Variants in UBE2W observed in about 807,000 individuals in gnomAD.
UBE2W encodes the protein ubiquitin-conjugating enzyme E2 W.
A neutral mutation model predicts 27.2 loss-of-function variants in UBE2W; 18 were observed. The observed-to-expected ratio is 0.66, with a 90% CI of 0.46 to 0.98. UBE2W has a LOEUF of 0.98. Ranked by LOEUF, UBE2W falls within the 50% of genes least tolerant of loss-of-function variation. The pLI is 0.00. For synonymous variants in UBE2W, 53 were observed against 57.2 expected (o/e 0.93, Z 0.33); for missense variants, 90 against 180.2 (o/e 0.50, Z 2.87).
At chr8:73,805,461 A>AAAAAACAAAC (rs1808843880) in intron 5 of UBE2W, among the ~76,000 whole-genome samples, 190 bp downstream of exon 5, 1 of 132,312 alleles carries the variant, frequency 7.6e-6, no homozygotes, top group South Asian at 2.5e-4. Flanking sequence ...TCTCAAAAAA[A>AAAAAACAAAC]AAAAAAAAAA....
intron 1 of UBE2W, among the ~76,000 whole-genome samples, chr8:73,850,101 C>T (rs923333323): frequency 6.6e-6 from 1 of 151,774 alleles, no homozygotes; most frequent in African/African-American, 2.4e-5. Flanking sequence ...AAAGGATAAC[C>T]GAATTGAGAA....
chr8:73,838,138 A>G (rs1228258138), intron 1 of UBE2W, among the ~76,000 whole-genome samples: 1 of 152,184 alleles, frequency 6.6e-6, no homozygotes, highest in Non-Finnish European at 1.5e-5. Flanking sequence ...CTAAATACCA[A>G]TAATGGTATG....
At chr8:73,857,688 C>T (rs909592997) in intron 1 of UBE2W, among the ~76,000 whole-genome samples, 14 of 151,978 alleles carry the variant, frequency 9.2e-5, no homozygotes, top group African/African-American at 3.1e-4. Context: ...TGGTGGCAGA[C>T]GCCTGTAGTC....
chr8:73,858,653 CA>C (rs563979484), intron 1 of UBE2W, among the ~76,000 whole-genome samples: 11 of 121,172 alleles, frequency 9.1e-5, no homozygotes, highest in South Asian at 2.8e-4. Flanking sequence ...AAGCAGACAC[CA>C]AAAAAAAAGT....
At chr8:73,796,522 C>T (rs60745899) in intron 5 of UBE2W, 9,504 of 459,874 alleles carry the variant, frequency 0.021, 812 homozygotes, top group African/African-American at 0.18. Context: ...TTCTGTAGAA[C>T]GTGCTACCAA....
At chr8:73,863,443 A>G (rs1362348786) in intron 1 of UBE2W, among the ~76,000 whole-genome samples, 3 of 136,052 alleles carry the variant, frequency 2.2e-5, no homozygotes, top group Admixed American at 7.6e-5. Flanking sequence ...TGGGGGGAGG[A>G]GGGAGGGATA....
intron 1 of UBE2W, among the ~76,000 whole-genome samples, chr8:73,845,015 G>A (rs1463722476): frequency 5.3e-5 from 8 of 150,860 alleles, no homozygotes; most frequent in Non-Finnish European, 1.2e-4. Flanking sequence ...AGGAGGTGGG[G>A]GGCAGCCCCC....
Position 73,822,602 on chromosome 8 carries a change from C to CAAAAAAAAAAAAAAAAAAA in UBE2W, c.210+2526_210+2544dup, listed in dbSNP as rs67427702. 5.9e-5 allele frequency among the ~76,000 whole-genome samples: 3 copies of CAAAAAAAAAAAAAAAAAAA among 51,224 alleles called. 1 individual carries two copies. Among genetic ancestry groups the CAAAAAAAAAAAAAAAAAAA allele is most frequent in the South Asian group, 1.3e-3 (1 of 756 alleles). The allele number at this position is 51,224 out of a possible 152,430, so 33.6% of individuals were successfully genotyped here. ...TTCACTCTATTAAATCTTGCAACTG[C>CAAAAAAAAAAAAAAAAAAA]AAAAAAAAAAAAAAAAAAAAAAAAA... On this transcript the variant is annotated intron_variant, in intron 3 of 5. Coordinates refer to ENST00000602593, the MANE Select transcript of UBE2W (RefSeq NM_018299.6).
chr8:73,834,123 C>T (rs1439603452), intron 1 of UBE2W: 1 of 152,138 alleles, frequency 6.6e-6, no homozygotes, highest in East Asian at 1.9e-4. Context: ...AAATTGGTTT[C>T]TGTTTTTTCT....
chr8:73,808,921 T>C (rs1809030850), intron 4 of UBE2W, among the ~76,000 whole-genome samples: 1 of 152,192 alleles, frequency 6.6e-6, no homozygotes, highest in Non-Finnish European at 1.5e-5. Flanking sequence ...TAATAAATCA[T>C]TATATTTAAA....
intron 1 of UBE2W, among the ~76,000 whole-genome samples, chr8:73,863,146 T>C (rs1563630455): frequency 7.0e-6 from 1 of 142,854 alleles, no homozygotes; most frequent in African/African-American, 3.0e-5. Flanking sequence ...TATTGCGGCA[T>C]TATTCACAAT....
At chr8:73,876,198 T>C (rs1812214849) in intron 1 of UBE2W, among the ~76,000 whole-genome samples, 1 of 151,144 alleles carries the variant, frequency 6.6e-6, no homozygotes. Context: ...ACTAGATAAG[T>C]GTCTGACACA....
At chr8:73,868,218 A>G (rs971339728) in intron 1 of UBE2W, among the ~76,000 whole-genome samples, 10 of 152,206 alleles carry the variant, frequency 6.6e-5, no homozygotes, top group African/African-American at 1.9e-4. Context: ...GGGGGGGCTC[A>G]GGGTTGAATG....
chr8:73,780,778 C>T (rs972466425), intron 4 of UBE2W, among the ~76,000 whole-genome samples: 2 of 151,866 alleles, frequency 1.3e-5, no homozygotes, highest in African/African-American at 4.8e-5. Context: ...CCTGCCTCAA[C>T]CTCCCAAAGT....
intron 1 of UBE2W, 106 bp downstream of exon 1, chr8:73,878,702 C>T: frequency 4.6e-6 from 5 of 1,087,454 alleles, no homozygotes; most frequent in Non-Finnish European, 6.9e-6. Context: ...CGGACCGATC[C>T]CGAACCCGCC....
intron 5 of UBE2W, among the ~76,000 whole-genome samples, chr8:73,802,993 C>T (rs1289330113): frequency 6.6e-6 from 1 of 152,052 alleles, no homozygotes; most frequent in African/African-American, 2.4e-5. Flanking sequence ...AACTGCACTC[C>T]AGCCTGGGCG....
At chr8:73,830,089 T>C (rs1407851914) in intron 2 of UBE2W, among the ~76,000 whole-genome samples, 2 of 152,192 alleles carry the variant, frequency 1.3e-5, no homozygotes, top group African/African-American at 4.8e-5. Flanking sequence ...TTTAATATTA[T>C]AGATGAGAAT....
chr8:73,788,678 T>A lies in UBE2W; in HGVS notation c.*5424A>T. 1 of 985,450 alleles carries A rather than the reference T, an allele frequency of 1.0e-6. No individual in the cohort carries two copies. Among genetic ancestry groups the A allele is most frequent in the Non-Finnish European group, 1.2e-6 (1 of 829,938 alleles). 61.0% of individuals were successfully genotyped at this position (985,450 alleles called of 1,614,324 possible). A position where few individuals can be genotyped will look rare whatever the true frequency, so the allele number is the denominator to read the frequency against. ...TCCATACACCAGAAAATCTGACAAGTGATGTCATTTTGAAATCATGCTTTT... is the reference window on the plus strand; with the variant it reads ...TCCATACACCAGAAAATCTGACAAGAGATGTCATTTTGAAATCATGCTTTT... On this transcript the variant is annotated 3_prime_UTR_variant, in exon 6 of 6. Coordinates refer to ENST00000602593, the MANE Select transcript of UBE2W (RefSeq NM_018299.6).
intron 2 of UBE2W, among the ~76,000 whole-genome samples, chr8:73,828,511 TTCTAAG>T (rs1358744633): frequency 3.9e-5 from 6 of 152,174 alleles, no homozygotes; most frequent in African/African-American, 1.4e-4. Context: ...GTATAGTTAG[TTCTAAG>T]TCTTTTTCTA....
Sources: allele counts gnomAD v4.1 joint callset (sites outside exome capture counted in the v4.1 genomes callset), GRCh38; gene constraint gnomAD v4.1.1; transcripts MANE v1.5; gene names NCBI Gene and HGNC (gene_info 2026-07-23, HGNC 2026-07-21).